CADM1: variants seen among roughly 807,000 people sequenced by gnomAD.
CADM1 encodes cell adhesion molecule 1.
Under a neutral mutation model 53.1 loss-of-function variants are expected in CADM1, and 15 were observed. The ratio of observed to expected loss-of-function variants is 0.28; its 90% confidence interval spans 0.19 to 0.44. The LOEUF (loss-of-function observed/expected upper bound fraction) is 0.44. Among genes scored for constraint, CADM1 ranks in the 20% least tolerant of loss-of-function variants. The pLI is 1.00. For synonymous variants in CADM1, 281 were observed against 243.0 expected (o/e 1.16, Z -1.45); for missense variants, 434 against 611.3 (o/e 0.71, Z 3.06).
At chr11:115,487,420 A>T (rs1193896629) in intron 1 of CADM1, among the ~76,000 whole-genome samples, 2 of 151,536 alleles carry the variant, frequency 1.3e-5, no homozygotes, top group Admixed American at 6.5e-5. Context: ...GACCTCATTT[A>T]AAAAAATCCT....
chr11:115,368,365 G>C (rs1214820579), intron 1 of CADM1, among the ~76,000 whole-genome samples: 2 of 151,884 alleles, frequency 1.3e-5, no homozygotes, highest in Admixed American at 1.3e-4. Context: ...GTCGTTGTGA[G>C]GTCATGACCA....
intron 6 of CADM1, among the ~76,000 whole-genome samples, chr11:115,215,815 C>T (rs370397563): frequency 1.6e-4 from 25 of 152,316 alleles, no homozygotes; most frequent in African/African-American, 6.0e-4. Context: ...AGAGATCCAG[C>T]ACACAAGTGA....
At chr11:115,354,138 G>A (rs565957084) in intron 1 of CADM1, among the ~76,000 whole-genome samples, 40 of 152,168 alleles carry the variant, frequency 2.6e-4, no homozygotes, top group Non-Finnish European at 4.4e-4. Flanking sequence ...CTAATGCAGT[G>A]AAAGAATTTC....
chr11:115,428,597 T>C (rs149367011), intron 1 of CADM1, among the ~76,000 whole-genome samples: 1 of 152,184 alleles, frequency 6.6e-6, no homozygotes, highest in South Asian at 2.1e-4. Context: ...TGTGTGTTCA[T>C]GTAACCTAGC....
intron 1 of CADM1, among the ~76,000 whole-genome samples, chr11:115,294,473 T>G (rs1281055409): frequency 6.6e-6 from 1 of 152,214 alleles, no homozygotes; most frequent in Non-Finnish European, 1.5e-5. Context: ...TATTTAATAC[T>G]GTGCTGACCC....
chr11:115,477,407 G>A (rs1949159752), intron 1 of CADM1, among the ~76,000 whole-genome samples: 2 of 152,158 alleles, frequency 1.3e-5, no homozygotes, highest in South Asian at 2.1e-4. Flanking sequence ...AAGAGGAATT[G>A]CCTATCCAGC....
intron 8 of CADM1, among the ~76,000 whole-genome samples, chr11:115,198,821 G>A (rs926132676): frequency 4.6e-5 from 7 of 152,182 alleles, no homozygotes; most frequent in South Asian, 2.1e-4. Flanking sequence ...AAGCTCAGTC[G>A]AAAGGCTGGT....
At chr11:115,358,530 C>T (rs1227478920) in intron 1 of CADM1, among the ~76,000 whole-genome samples, 1 of 152,146 alleles carries the variant, frequency 6.6e-6, no homozygotes, top group African/African-American at 2.4e-5. Flanking sequence ...ATTCAATTAC[C>T]TCCCACCAAA....
chr11:115,327,904 C>T (rs1248486543), intron 1 of CADM1, among the ~76,000 whole-genome samples: 3 of 152,120 alleles, frequency 2.0e-5, no homozygotes, highest in East Asian at 1.9e-4. Flanking sequence ...ACTTTACTAC[C>T]TTCTTTGGAA....
At chr11:115,453,296 G>A (rs1252980073) in intron 1 of CADM1, among the ~76,000 whole-genome samples, 1 of 151,676 alleles carries the variant, frequency 6.6e-6, no homozygotes, top group Admixed American at 6.6e-5. Flanking sequence ...GAGCCTGGGA[G>A]CTCATGGCTG....
At chr11:115,324,403 A>T (rs114869510) in intron 1 of CADM1, among the ~76,000 whole-genome samples, 2,520 of 152,250 alleles carry the variant, frequency 0.017, 29 homozygotes, top group Middle Eastern at 0.037. Flanking sequence ...TCTCCAACAA[A>T]CAAAAGAAGG....
At chr11:115,366,306 A>C (rs1399832639) in intron 1 of CADM1, among the ~76,000 whole-genome samples, 1 of 152,186 alleles carries the variant, frequency 6.6e-6, no homozygotes, top group African/African-American at 2.4e-5. Flanking sequence ...AACCTACTTA[A>C]ATATTTATTT....
chr11:115,218,431 GTTC>G (rs2134780243), intron 5 of CADM1, among the ~76,000 whole-genome samples: 1 of 152,220 alleles, frequency 6.6e-6, no homozygotes, highest in Admixed American at 6.5e-5. Context: ...CCTCTTCTAT[GTTC>G]TTGTTTTCAA....
intron 1 of CADM1, among the ~76,000 whole-genome samples, chr11:115,423,675 T>G (rs1947817935): frequency 6.6e-6 from 1 of 152,226 alleles, no homozygotes; most frequent in Admixed American, 6.5e-5. Context: ...AATATTGATT[T>G]AAGTAGAGGG....
intron 9 of CADM1, among the ~76,000 whole-genome samples, chr11:115,194,943 T>C (rs967351240): frequency 3.3e-5 from 5 of 152,228 alleles, no homozygotes; most frequent in Non-Finnish European, 7.3e-5. Flanking sequence ...ATCCGTGCGT[T>C]AAATCACTCA....
intron 1 of CADM1, among the ~76,000 whole-genome samples, chr11:115,411,345 A>G (rs1031939491): frequency 2.0e-5 from 3 of 152,182 alleles, no homozygotes; most frequent in South Asian, 2.1e-4. Context: ...AATCTGTACC[A>G]CTCAATGAAT....
chr11:115,305,117 C>T (rs1213039011), intron 1 of CADM1, among the ~76,000 whole-genome samples: 1 of 115,484 alleles, frequency 8.7e-6, no homozygotes, highest in Non-Finnish European at 1.7e-5. Context: ...GTGGGGAAAC[C>T]AACTTCTGAG....
chr11:115,427,164 G>C (rs1386712072), intron 1 of CADM1, among the ~76,000 whole-genome samples: 1 of 152,088 alleles, frequency 6.6e-6, no homozygotes, highest in Non-Finnish European at 1.5e-5. Context: ...TGCCATTTCT[G>C]GGTGTGTATC....
intron 1 of CADM1, among the ~76,000 whole-genome samples, chr11:115,466,099 C>A (rs1948893720): frequency 6.6e-6 from 1 of 151,758 alleles, no homozygotes; most frequent in African/African-American, 2.4e-5. Context: ...CATGATGAGC[C>A]AAAAAAGCTA....
Sources: allele counts gnomAD v4.1 joint callset (sites outside exome capture counted in the v4.1 genomes callset), GRCh38; gene constraint gnomAD v4.1.1; transcripts MANE v1.5; gene names NCBI Gene and HGNC (gene_info 2026-07-23, HGNC 2026-07-21).